The following ANKRD62 variants were observed in gnomAD, a reference collection of about 807,000 sequenced individuals.
ANKRD62 encodes the protein ankyrin repeat domain 62, also known as ankyrin repeat domain-containing protein 62.
ANKRD62 carries 61 observed loss-of-function variants against 98.8 expected under a neutral mutation model. The observed-to-expected ratio is 0.62, with a 90% CI of 0.50 to 0.76. The LOEUF (loss-of-function observed/expected upper bound fraction) is 0.76. Among genes scored for constraint, ANKRD62 ranks in the 30% least tolerant of loss-of-function variants. The probability of loss-of-function intolerance (pLI) is 0.00; values close to 1 mark genes in which losing one functional copy is unlikely to be tolerated. For synonymous variants in ANKRD62, 341 were observed against 367.9 expected (o/e 0.93, Z 0.84); for missense variants, 933 against 1,082.9 (o/e 0.86, Z 1.94).
At chr18:12,159,434 C>T in the ANKRD62 span, among the ~76,000 whole-genome samples, 21 of 152,298 alleles carry the variant, frequency 1.4e-4, no homozygotes, top group African/African-American at 4.8e-4. Context: ...TTCTCCCTCT[C>T]CCCAAGGCTA....
chr18:12,139,440 C>G, the ANKRD62 span, among the ~76,000 whole-genome samples: 1 of 151,730 alleles, frequency 6.6e-6, no homozygotes, highest in Non-Finnish European at 1.5e-5. Flanking sequence ...GTCAGGAGAT[C>G]GAGACCATCC....
chr18:12,155,891 G>A, the ANKRD62 span, among the ~76,000 whole-genome samples: 93,213 of 151,952 alleles, frequency 0.61, 29,041 homozygotes, highest in Middle Eastern at 0.75. Context: ...GAAAAAGTCA[G>A]TTGGTGATAT....
downstream of ANKRD62, among the ~76,000 whole-genome samples, chr18:12,130,896 G>T (rs1425051115): frequency 6.6e-6 from 1 of 152,094 alleles, no homozygotes; most frequent in African/African-American, 2.4e-5. Context: ...CACCATGTTG[G>T]CCAGGCTGGT....
At chr18:12,102,919 A>C (rs1355262063) in intron 6 of ANKRD62, 3 of 547,748 alleles carry the variant, frequency 5.5e-6, no homozygotes, top group African/African-American at 2.0e-5. Flanking sequence ...CGAATCTTTG[A>C]GATGTTGGTC....
the ANKRD62 span, among the ~76,000 whole-genome samples, chr18:12,156,771 AT>A: frequency 0.028 from 4,273 of 152,198 alleles, 213 homozygotes; most frequent in African/African-American, 0.096. Context: ...TTCATAAAAA[AT>A]ATCCTATATT....
chr18:12,112,111 C>CAAAAAAAAAAAAAAAAAAA (rs34392499), intron 8 of ANKRD62, among the ~76,000 whole-genome samples: 1 of 29,514 alleles, frequency 3.4e-5, no homozygotes, highest in Non-Finnish European at 1.1e-4. Flanking sequence ...GACTCCAACT[C>CAAAAAAAAAAAAAAAAAAA]AAAAAAAAAA....
At chr18:12,101,423 C>T (rs760797116) in intron 6 of ANKRD62, among the ~76,000 whole-genome samples, 13 of 152,156 alleles carry the variant, frequency 8.5e-5, no homozygotes, top group Non-Finnish European at 1.3e-4. Flanking sequence ...TATTCAGAAG[C>T]ACTCCAAGCT....
chr18:12,159,215 G>T, the ANKRD62 span, among the ~76,000 whole-genome samples: 1 of 152,150 alleles, frequency 6.6e-6, no homozygotes, highest in Non-Finnish European at 1.5e-5. Context: ...GAGTTGCTTG[G>T]AAGAGGTGAG....
At chr18:12,161,290 A>C in the ANKRD62 span, among the ~76,000 whole-genome samples, 58 of 152,260 alleles carry the variant, frequency 3.8e-4, no homozygotes, top group African/African-American at 1.3e-3. Context: ...ATTTCTTGGA[A>C]ATTTTTATTT....
chr18:12,125,834 G>T lies in ANKRD62; in HGVS notation c.2013G>T (p.Gln671His). 1 of 1,549,260 alleles carries T rather than the reference G, an allele frequency of 6.5e-7. No individual in the cohort carries two copies. The highest frequency in any genetic ancestry group is 8.7e-7 in the Non-Finnish European group (1 of 1,147,390). The change falls in exon 13 of 14, where the codon CAG (glutamine) becomes CAT (histidine). Residue 671 changes from glutamine (Q) to histidine (H), a missense_variant. By Grantham distance (24) the Gln-to-His change is conservative (BLOSUM62 0). Transcript: ENST00000587848. ...CCCTATGTGATCATGATCAACGTCA[G>T]TCATCAAAAAGAGACCTACAGCTTG... ...AAALCDHDQR[Q>H]SSKRDLQLAF...
At chr18:12,158,348 T>C in the ANKRD62 span, among the ~76,000 whole-genome samples, 1 of 152,174 alleles carries the variant, frequency 6.6e-6, no homozygotes, top group Admixed American at 6.5e-5. Flanking sequence ...TCTTTCATCA[T>C]TGTGTTTCTG....
intron 8 of ANKRD62, among the ~76,000 whole-genome samples, chr18:12,111,936 C>G (rs1326574975): frequency 6.6e-6 from 1 of 151,864 alleles, no homozygotes; most frequent in African/African-American, 2.4e-5. Context: ...ATGGTGAAAC[C>G]CTGCCTCTAC....
At position 12,119,344 on chromosome 18, in the gene ANKRD62, TTC is replaced by T. The variant is rs1392952371; in HGVS notation, c.1241-2957_1241-2956del. Among the ~76,000 whole-genome samples the T allele has an allele frequency of 7.2e-3, 392 of 54,070 alleles. 3 individuals carry two copies. Among genetic ancestry groups the T allele is most frequent in the African/African-American group, 0.023 (370 of 15,822 alleles). The allele number at this position is 54,070 out of a possible 152,430, so 35.5% of individuals were successfully genotyped here. Reference sequence around the variant, plus strand: ...AAAGTGTTTGGTGTTGCTGATCTTCTTCTTTTTTTTTTTTTTTTTCTGAAACC... The same window carrying T: ...AAAGTGTTTGGTGTTGCTGATCTTCTTTTTTTTTTTTTTTTTTCTGAAACC... On this transcript the variant is annotated intron_variant, in intron 10 of 13. Coordinates refer to ENST00000587848, the MANE Select transcript of ANKRD62 (RefSeq NM_001277333.2).
the ANKRD62 span, among the ~76,000 whole-genome samples, chr18:12,151,802 A>G: frequency 6.6e-6 from 1 of 152,156 alleles, no homozygotes. Flanking sequence ...AAAATTTAAT[A>G]AGATAGATAG....
the ANKRD62 span, among the ~76,000 whole-genome samples, chr18:12,153,928 T>C: frequency 6.6e-6 from 1 of 152,306 alleles, no homozygotes; most frequent in South Asian, 2.1e-4. Flanking sequence ...AGCTGGACCC[T>C]TTTTTACACC....
chr18:12,104,433 A>G (rs981147627), intron 7 of ANKRD62, among the ~76,000 whole-genome samples: 1 of 152,166 alleles, frequency 6.6e-6, no homozygotes, highest in Non-Finnish European at 1.5e-5. Context: ...CCACTTTCAC[A>G]TCTGCAAAAA....
the ANKRD62 span, among the ~76,000 whole-genome samples, chr18:12,145,020 G>A: frequency 6.6e-6 from 1 of 151,702 alleles, no homozygotes; most frequent in African/African-American, 2.4e-5. Context: ...GCCTATGCCT[G>A]TAGTCCCAGC....
downstream of ANKRD62, among the ~76,000 whole-genome samples, chr18:12,130,457 T>C (rs1246217556): frequency 1.3e-5 from 2 of 152,224 alleles, no homozygotes; most frequent in Admixed American, 1.3e-4. Context: ...CAATCTCTTA[T>C]TTTCTGTCAC....
rs765651725 is a variant in ANKRD62, at chr18:12,126,061, G to A, written c.2240G>A (p.Arg747Gln). 2.0e-5 allele frequency: 30 copies of A among 1,536,046 alleles called. No homozygotes were observed. The highest frequency in any genetic ancestry group is 2.7e-5 in the African/African-American group (2 of 73,018). The change falls in exon 13 of 14, where the codon CGA becomes CAA. Residue 747 changes from arginine to glutamine, a missense_variant. Arg to Gln is a conservative substitution (Grantham distance 43, BLOSUM62 1). Coordinates refer to ENST00000587848, the MANE Select transcript of ANKRD62 (RefSeq NM_001277333.2). ...GGAGTCCTAAGCCGAACACAGCGTC[G>A]ATTGGAGGACATTGAACACATGTAC... ...MQGVLSRTQR[R>Q]LEDIEHMYQN...
Sources: gnomAD v4.1 joint callset for allele counts (sites outside exome capture counted in the v4.1 genomes callset) on GRCh38, gnomAD v4.1.1 for gene constraint, MANE v1.5 for transcripts, NCBI Gene and HGNC (gene_info 2026-07-23, HGNC 2026-07-21) for gene names.